Variants in CAMKMT observed in about 807,000 individuals in gnomAD.
The protein encoded by CAMKMT is CaM KMT.
Under a neutral mutation model 48.0 loss-of-function variants are expected in CAMKMT, and 53 were observed. The ratio of observed to expected loss-of-function variants is 1.10; its 90% CI spans 0.89 to 1.39. CAMKMT has a LOEUF of 1.39. Among genes scored for constraint, CAMKMT ranks in the 40% most tolerant of loss-of-function variants. The probability of loss-of-function intolerance (pLI) is 0.00; values close to 1 mark genes in which losing one functional copy is unlikely to be tolerated. For synonymous variants in CAMKMT, 165 were observed against 152.3 expected (o/e 1.08, Z -0.61); for missense variants, 428 against 402.7 (o/e 1.06, Z -0.54).
chr2:44,764,985 G>A (rs1018156959), intron 9 of CAMKMT, among the ~76,000 whole-genome samples: 1 of 152,152 alleles, frequency 6.6e-6, no homozygotes, highest in African/African-American at 2.4e-5. Context: ...CACTTTGGGA[G>A]GCCAAGGTGG....
At chr2:44,508,293 G>T (rs1670362584) in intron 3 of CAMKMT, among the ~76,000 whole-genome samples, 2 of 152,122 alleles carry the variant, frequency 1.3e-5, no homozygotes, top group African/African-American at 4.8e-5. Flanking sequence ...TAGCCACATT[G>T]GTGGGAAATA....
intron 8 of CAMKMT, among the ~76,000 whole-genome samples, chr2:44,747,349 T>C (rs1046565897): frequency 2.6e-5 from 4 of 152,236 alleles, no homozygotes; most frequent in Admixed American, 2.6e-4. Context: ...TTTCAGATGC[T>C]GTGATCATGG....
rs1012901919 is a variant in CAMKMT at position 44,619,469 on chromosome 2, A to T, written c.377-84814A>T. The stretch of plus-strand genomic sequence containing the variant: ...ATTTTAGCTGATTATGTGTGTATAT[A>T]TATATATATATGCATCTGCAAACAC... On this transcript the variant is annotated intron_variant, in intron 3 of 10. Coordinates refer to ENST00000378494, the MANE Select transcript of CAMKMT (RefSeq NM_024766.5). Among the ~76,000 whole-genome samples, 9 of 152,068 alleles carry T rather than the reference A, an allele frequency of 5.9e-5. No individual in the cohort carries two copies. In the East Asian group the frequency reaches 9.6e-4, roughly 16 times the overall value.
At chr2:44,549,427 T>G in intron 3 of CAMKMT, 1 of 607,614 alleles carries the variant, frequency 1.6e-6, no homozygotes, top group Non-Finnish European at 2.9e-6. Context: ...GAGAAGAACC[T>G]CTCTCACACA....
chr2:44,398,724 C>T (rs1572759506), intron 3 of CAMKMT, among the ~76,000 whole-genome samples: 1 of 118,526 alleles, frequency 8.4e-6, no homozygotes, highest in African/African-American at 3.6e-5. Flanking sequence ...CCAAAGAGCT[C>T]AACTAAAAGG....
chr2:44,744,607 C>A (rs115230507), intron 8 of CAMKMT, among the ~76,000 whole-genome samples: 1,737 of 152,154 alleles, frequency 0.011, 33 homozygotes, highest in African/African-American at 0.04. Context: ...AGTTCAGATT[C>A]TGAAGAAGTT....
chr2:44,627,847 G>A (rs1363489811), intron 3 of CAMKMT, among the ~76,000 whole-genome samples: 5 of 150,810 alleles, frequency 3.3e-5, no homozygotes, highest in African/African-American at 7.3e-5. Context: ...CTACATATGC[G>A]TGCCACCACA....
intron 4 of CAMKMT, chr2:44,705,372 A>G: frequency 1.0e-6 from 1 of 985,408 alleles, no homozygotes; most frequent in Non-Finnish European, 1.2e-6. Context: ...CTAAGCATAT[A>G]AATAAGAACA....
chr2:44,415,815 C>T (rs2104493082), intron 3 of CAMKMT, among the ~76,000 whole-genome samples: 1 of 152,212 alleles, frequency 6.6e-6, no homozygotes, highest in South Asian at 2.1e-4. Context: ...TTTTGCATCC[C>T]CTTATACATA....
At chr2:44,538,778 A>AT (rs1036815401) in intron 3 of CAMKMT, among the ~76,000 whole-genome samples, 29 of 72,350 alleles carry the variant, frequency 4.0e-4, no homozygotes, top group Non-Finnish European at 6.0e-4. Flanking sequence ...TCAAATAATC[A>AT]TTTAAAAAAA....
intron 3 of CAMKMT, among the ~76,000 whole-genome samples, chr2:44,702,542 A>G (rs889697986): frequency 1.3e-5 from 2 of 152,224 alleles, no homozygotes; most frequent in African/African-American, 4.8e-5. Context: ...GAGGAGCATG[A>G]GGGATAGGCA....
chr2:44,631,328 C>G (rs1672809758), intron 3 of CAMKMT, among the ~76,000 whole-genome samples: 1 of 151,782 alleles, frequency 6.6e-6, no homozygotes, highest in South Asian at 2.1e-4. Context: ...AGCGCACCAG[C>G]AAGTCACATG....
At chr2:44,636,013 T>C (rs1673109658) in intron 3 of CAMKMT, among the ~76,000 whole-genome samples, 1 of 152,188 alleles carries the variant, frequency 6.6e-6, no homozygotes, top group Non-Finnish European at 1.5e-5. Context: ...TTTTTTATAT[T>C]AGAAAAACAC....
At chr2:44,488,163 G>A (rs1176637128) in intron 3 of CAMKMT, among the ~76,000 whole-genome samples, 1 of 152,158 alleles carries the variant, frequency 6.6e-6, no homozygotes, top group African/African-American at 2.4e-5. Context: ...TATCTTTAGG[G>A]ATATGAAATG....
At chr2:44,600,344 A>G (rs1200530675) in intron 3 of CAMKMT, among the ~76,000 whole-genome samples, 2 of 151,624 alleles carry the variant, frequency 1.3e-5, no homozygotes, top group African/African-American at 4.9e-5. Context: ...ATAGCTCACT[A>G]CACCCTCAAA....
At chr2:44,603,785 A>G (rs1014928597) in intron 3 of CAMKMT, among the ~76,000 whole-genome samples, 2 of 152,232 alleles carry the variant, frequency 1.3e-5, no homozygotes, top group African/African-American at 4.8e-5. Context: ...CTTTCAATTC[A>G]AAGTCAGTAA....
chr2:44,487,732 A>G (rs1669281931), intron 3 of CAMKMT, among the ~76,000 whole-genome samples: 1 of 152,230 alleles, frequency 6.6e-6, no homozygotes, highest in Non-Finnish European at 1.5e-5. Context: ...TTATCATTTT[A>G]TGCATTCAAA....
At chr2:44,645,484 A>G (rs1048091432) in intron 3 of CAMKMT, among the ~76,000 whole-genome samples, 10 of 152,188 alleles carry the variant, frequency 6.6e-5, no homozygotes, top group African/African-American at 2.4e-4. Context: ...GATGAAAAGT[A>G]GTATCAAACA....
At chr2:44,580,479 C>A (rs972397176) in intron 3 of CAMKMT, among the ~76,000 whole-genome samples, 1 of 152,068 alleles carries the variant, frequency 6.6e-6, no homozygotes, top group Non-Finnish European at 1.5e-5. Flanking sequence ...TTCAAGTGGT[C>A]CTAGAAATAA....
Sources: gnomAD v4.1 joint callset for allele counts (sites outside exome capture counted in the v4.1 genomes callset) on GRCh38, gnomAD v4.1.1 for gene constraint, MANE v1.5 for transcripts, NCBI Gene and HGNC (gene_info 2026-07-23, HGNC 2026-07-21) for gene names.